TMCO5A: variants seen among roughly 807,000 people sequenced by gnomAD.
The protein encoded by TMCO5A is transmembrane and coiled-coil domain-containing protein 5A.
Under a neutral mutation model 42.3 loss-of-function variants are expected in TMCO5A, and 34 were observed. That is an observed-to-expected ratio of 0.80 (90% confidence interval 0.61 to 1.07). The LOEUF (loss-of-function observed/expected upper bound fraction) is 1.07, where lower values mean the gene tolerates loss of function less well. TMCO5A is among the 50% of genes least tolerant of loss of function. The probability of loss-of-function intolerance (pLI) is 0.00; values close to 1 mark genes in which losing one functional copy is unlikely to be tolerated. For synonymous variants in TMCO5A, 131 were observed against 115.6 expected (o/e 1.13, Z -0.86); for missense variants, 357 against 327.9 (o/e 1.09, Z -0.69).
chr15:38,007,604 G>C, the TMCO5A span, among the ~76,000 whole-genome samples: 1 of 152,180 alleles, frequency 6.6e-6, no homozygotes, highest in African/African-American at 2.4e-5. Context: ...AAAGACTTGA[G>C]TGCAGGTAGT....
chr15:37,947,214 C>G (rs930425178), intron 10 of TMCO5A, among the ~76,000 whole-genome samples: 1 of 151,756 alleles, frequency 6.6e-6, no homozygotes, highest in Non-Finnish European at 1.5e-5. Flanking sequence ...AACTTGATCA[C>G]TCATCTTTAG....
At chr15:38,013,787 G>A in the TMCO5A span, among the ~76,000 whole-genome samples, 1 of 152,226 alleles carries the variant, frequency 6.6e-6, no homozygotes, top group East Asian at 1.9e-4. Flanking sequence ...TGTTACTATA[G>A]CAAATTATCA....
chr15:38,018,931 T>G, the TMCO5A span, among the ~76,000 whole-genome samples: 9 of 152,174 alleles, frequency 5.9e-5, no homozygotes, highest in Non-Finnish European at 1.0e-4. Context: ...GAGCTCTGTT[T>G]ATGAAGTTAT....
At chr15:38,018,840 C>A in the TMCO5A span, among the ~76,000 whole-genome samples, 1 of 151,240 alleles carries the variant, frequency 6.6e-6, no homozygotes, top group Non-Finnish European at 1.5e-5. Flanking sequence ...TCCAGAGAAA[C>A]ACAACAATTT....
chr15:38,029,367 C>CCCCA, the TMCO5A span, among the ~76,000 whole-genome samples: 2 of 147,954 alleles, frequency 1.4e-5, no homozygotes. Context: ...CATGAATACA[C>CCCCA]CACACACACA....
chr15:37,936,631 C>G (rs1325668158), intron 3 of TMCO5A, among the ~76,000 whole-genome samples, 168 bp downstream of exon 3: 8 of 152,096 alleles, frequency 5.3e-5, no homozygotes, highest in African/African-American at 1.9e-4. Flanking sequence ...TAGCAAGTTT[C>G]AAATAGATTC....
At chr15:37,936,289 T>C in intron 2 of TMCO5A, 25 bp from the exon 3 acceptor site, 1 of 1,592,276 alleles carries the variant, frequency 6.3e-7, no homozygotes, top group Non-Finnish European at 8.5e-7. Flanking sequence ...CTGGCCCTTG[T>C]TCATTTTGGG....
At position 37,938,229 on chromosome 15, in the gene TMCO5A, G is replaced by C. The variant is rs1396223070; in HGVS notation, c.387G>C (p.Lys129Asn). 3 of 1,547,768 alleles carry C rather than the reference G, an allele frequency of 1.9e-6. No homozygotes were observed. The highest frequency in any genetic ancestry group is 1.7e-6 in the Non-Finnish European group (2 of 1,151,680). Reference sequence around the variant, plus strand: ...CAGATGGAGCCCTAGAAGAGACAAAGGTAAATGAAAAAAACAATCCTAAAT... The same window carrying C: ...CAGATGGAGCCCTAGAAGAGACAAACGTAAATGAAAAAAACAATCCTAAAT... ...SSPDGALEET[K>N]VKLQQLEASY... Residue 129 changes from lysine (K) to asparagine (N), a missense_variant and splice_region_variant, in exon 6 of 12, where the codon AAG (lysine) becomes AAC (asparagine). By Grantham distance (94) the Lys-to-Asn change is moderately conservative. Coordinates refer to ENST00000319669, the MANE Select transcript of TMCO5A (RefSeq NM_152453.4).
intron 11 of TMCO5A, among the ~76,000 whole-genome samples, chr15:37,960,667 C>T (rs1488291847): frequency 6.6e-6 from 1 of 152,126 alleles, no homozygotes; most frequent in Admixed American, 6.6e-5. Flanking sequence ...AGTGTTCCCT[C>T]TTCACCACAT....
downstream of TMCO5A, among the ~76,000 whole-genome samples, chr15:37,968,016 A>G (rs1259628984): frequency 2.6e-5 from 4 of 152,216 alleles, no homozygotes; most frequent in Admixed American, 2.0e-4. Context: ...ACTGTTTCAG[A>G]AAACCAGGAT....
intron 2 of TMCO5A, 89 bp from the exon 3 acceptor site, chr15:37,936,225 C>A: frequency 7.0e-7 from 1 of 1,435,042 alleles, no homozygotes; most frequent in Non-Finnish European, 9.4e-7. Context: ...GGTTAATAAA[C>A]TAGATGTGTT....
chr15:37,942,314 A>G, intron 9 of TMCO5A, 59 bp downstream of exon 9: 5 of 1,528,666 alleles, frequency 3.3e-6, no homozygotes, highest in Non-Finnish European at 4.5e-6. Context: ...AGCCTGAGTC[A>G]GAGCAAACAG....
At chr15:37,982,477 TATGTATTATATA>T in the TMCO5A span, among the ~76,000 whole-genome samples, 9 of 145,778 alleles carry the variant, frequency 6.2e-5, no homozygotes, top group Non-Finnish European at 1.3e-4. Flanking sequence ...ATAGATATTT[TATGTATTATATA>T]TTATCTATAT....
chr15:37,998,486 T>G, the TMCO5A span, among the ~76,000 whole-genome samples: 1 of 152,206 alleles, frequency 6.6e-6, no homozygotes, highest in Non-Finnish European at 1.5e-5. Context: ...TCTTGGCACC[T>G]TTGTCAAAAA....
At chr15:38,037,781 A>G in the TMCO5A span, among the ~76,000 whole-genome samples, 364 of 152,302 alleles carry the variant, frequency 2.4e-3, 2 homozygotes, top group African/African-American at 8.4e-3. Context: ...TTGGGAGGCC[A>G]AGGCAGGCAG....
the TMCO5A span, among the ~76,000 whole-genome samples, chr15:38,010,209 TA>T: frequency 6.7e-6 from 1 of 149,904 alleles, no homozygotes; most frequent in African/African-American, 2.5e-5. Context: ...CCGTCTCTAC[TA>T]AAAAAAATAC....
chr15:37,996,026 T>G, the TMCO5A span, among the ~76,000 whole-genome samples: 15 of 152,180 alleles, frequency 9.9e-5, no homozygotes, highest in Non-Finnish European at 8.8e-5. Context: ...GGACGTTAAT[T>G]CTGCAAATAA....
At chr15:37,942,046 G>T in intron 8 of TMCO5A, 145 bp from the exon 9 acceptor site, 4 of 737,490 alleles carry the variant, frequency 5.4e-6, no homozygotes, top group Non-Finnish European at 9.0e-6. Flanking sequence ...AGAGTAGTAG[G>T]GGGGTGAGTT....
chr15:37,941,830 G>T, intron 8 of TMCO5A, 100 bp downstream of exon 8: 1 of 997,596 alleles, frequency 1.0e-6, no homozygotes. Context: ...AATTTCAACA[G>T]TTCAAGGTGG....
Sources: gnomAD v4.1 joint callset for allele counts (sites outside exome capture counted in the v4.1 genomes callset) on GRCh38, gnomAD v4.1.1 for gene constraint, MANE v1.5 for transcripts, NCBI Gene and HGNC (gene_info 2026-07-23, HGNC 2026-07-21) for gene names.